Variants in LMOD3 observed in about 807,000 individuals in gnomAD.
LMOD3 encodes the protein leiomodin-3.
A neutral mutation model predicts 41.8 loss-of-function variants in LMOD3; 31 were observed. That is an observed-to-expected ratio of 0.74 (90% CI 0.56 to 1.00). The LOEUF (loss-of-function observed/expected upper bound fraction) is 1.00, where lower values mean the gene tolerates loss of function less well. Ranked by LOEUF, LMOD3 falls within the 50% of genes least tolerant of loss-of-function variation. The pLI is 0.00. For missense variants in LMOD3, 755 were observed against 679.5 expected, an observed-to-expected ratio of 1.11 and a Z score of -1.23; for synonymous variants, 292 against 241.9, an observed-to-expected ratio of 1.21 and a Z score of -1.92.
In LMOD3 at chr3:69,118,940, G is replaced by A; in HGVS notation, c.1415C>T (p.Pro472Leu). 4.3e-6 allele frequency: 7 copies of A among 1,612,740 alleles called. No homozygotes were observed. Among genetic ancestry groups the A allele is most frequent in the Non-Finnish European group, 5.9e-6 (7 of 1,179,690 alleles). The change falls in exon 2 of 3, where the codon CCA becomes CTA. Residue 472 changes from proline (P) to leucine (L), a missense_variant. Pro to Leu is a moderately conservative substitution (Grantham distance 98). Coordinates refer to ENST00000420581, the MANE Select transcript of LMOD3 (RefSeq NM_198271.5). ...TGTCCTGTACTTCGGGGCCTGCGAT[G>A]GCTTTTTCATCATTTCACTGCGTTG... ...FSQRSEMMKKPSQAPKYRTDP... is the reference protein window; with the variant it reads ...FSQRSEMMKKLSQAPKYRTDP...
chr3:69,112,150 G>A (rs1017823154), intron 2 of LMOD3, among the ~76,000 whole-genome samples: 1 of 152,160 alleles, frequency 6.6e-6, no homozygotes, highest in African/African-American at 2.4e-5. Context: ...TATTGGTAGG[G>A]AGCCTTTTTC....
chr3:69,116,721 T>G (rs2092375352), intron 2 of LMOD3, among the ~76,000 whole-genome samples: 1 of 152,200 alleles, frequency 6.6e-6, no homozygotes, highest in Non-Finnish European at 1.5e-5. Context: ...AGACTGAACC[T>G]GACTTACCAC....
At chr3:69,121,883 C>A (rs560322771) in intron 1 of LMOD3, among the ~76,000 whole-genome samples, 1 of 152,164 alleles carries the variant, frequency 6.6e-6, no homozygotes, top group Non-Finnish European at 1.5e-5. Flanking sequence ...GAGACATTTG[C>A]AAGAAATTAC....
rs1474115272 is a variant in LMOD3 at position 69,108,437 on chromosome 3, C to T, written c.*658G>A. On this transcript the variant is annotated 3_prime_UTR_variant, in exon 3 of 3. Coordinates refer to ENST00000420581, the MANE Select transcript of LMOD3 (RefSeq NM_198271.5). ...AGTGACACTTAGTTTTCACCATGTTCTGTGGCTTACGTGTTCTGCCCCTCA... is the reference window on the plus strand; with the variant it reads ...AGTGACACTTAGTTTTCACCATGTTTTGTGGCTTACGTGTTCTGCCCCTCA... 5 of 152,102 alleles carry T rather than the reference C, an allele frequency of 3.3e-5. No homozygotes were observed. The highest frequency in any genetic ancestry group is 3.3e-4 in the Admixed American group (5 of 15,260). 9.4% of individuals were successfully genotyped at this position (152,102 alleles called of 1,614,324 possible). A position where few individuals can be genotyped will look rare whatever the true frequency, so the allele number is the denominator to read the frequency against.
intron 2 of LMOD3, among the ~76,000 whole-genome samples, chr3:69,109,782 G>T (rs568454479): frequency 6.6e-6 from 1 of 152,090 alleles, no homozygotes; most frequent in African/African-American, 2.4e-5. Context: ...ACTTGCTTCG[G>T]ACTCTCAAAG....
At position 69,106,251 on chromosome 3, in the gene LMOD3, C is replaced by T. The variant is rs2092322017; in HGVS notation, c.*2844G>A. Among the ~76,000 whole-genome samples, 1 of 151,980 alleles carries T rather than the reference C, an allele frequency of 6.6e-6. No homozygotes were observed. The highest frequency in any genetic ancestry group is 2.4e-5 in the African/African-American group (1 of 41,348). The stretch of plus-strand genomic sequence containing the variant: ...TGGGATCCTATTTTTAAACCTGGCA[C>T]GAGTTTTATATACATGTTAGCCCAG... On this transcript the variant is annotated 3_prime_UTR_variant, in exon 3 of 3. Transcript: ENST00000420581.
intron 2 of LMOD3, among the ~76,000 whole-genome samples, chr3:69,113,981 G>C (rs77852449): frequency 7.9e-5 from 12 of 152,238 alleles, no homozygotes; most frequent in South Asian, 4.1e-4. Context: ...CAGTTTGTTA[G>C]ATAAGACAAA....
rs1575883926 is a variant in LMOD3 at position 69,122,342 on chromosome 3, A to G, written c.45T>C (p.Asp15=). Residue 15 remains aspartate (D), a synonymous_variant, in exon 1 of 3, where the codon GAT becomes GAC. Coordinates refer to ENST00000420581, the MANE Select transcript of LMOD3 (RefSeq NM_198271.5). Reference sequence around the variant, plus strand: ...AGATTTCATCTTCATTAATCTCCTCATCGAGAAGTTCTTCTTGATCTGAAT... The same window carrying G: ...AGATTTCATCTTCATTAATCTCCTCGTCGAGAAGTTCTTCTTGATCTGAAT... ...SRNSDQEELL[D]EEINEDEILA... is the part of the protein sequence containing the mutation. The G allele has an allele frequency of 5.0e-6, 8 of 1,612,302 alleles. No homozygotes were observed. Among genetic ancestry groups the G allele is most frequent in the Non-Finnish European group, 6.8e-6 (8 of 1,178,830 alleles).
In LMOD3 at chr3:69,118,988, T is replaced by C; in HGVS notation, c.1367A>G (p.Asn456Ser). The C allele has an allele frequency of 6.2e-7, 1 of 1,612,904 alleles. No individual in the cohort carries two copies. Among genetic ancestry groups the C allele is most frequent in the East Asian group, 2.2e-5 (1 of 44,844 alleles). ...TTGACTAAAGGGGACATTTTGGGGG[T>C]TGGGAGGCCGAGGTGGCGGTGGCTG... ...FFQPPPPRPP[N>S]PQNVPFSQRS... is the part of the protein sequence containing the mutation. The change falls in exon 2 of 3, where the codon AAC becomes AGC. Residue 456 changes from asparagine to serine, a missense_variant. By Grantham distance (46) the Asn-to-Ser change is conservative. Coordinates refer to ENST00000420581, the MANE Select transcript of LMOD3 (RefSeq NM_198271.5).
chr3:69,116,035 C>T (rs140031705), intron 2 of LMOD3, among the ~76,000 whole-genome samples: 2 of 152,120 alleles, frequency 1.3e-5, no homozygotes, highest in African/African-American at 4.8e-5. Context: ...GACGGGTATG[C>T]AAGAATTCTT....
rs1334054330 is a variant in LMOD3 at position 69,109,055 on chromosome 3, TATTTCC to T, written c.*34_*39del. 4 of 1,557,160 alleles carry T rather than the reference TATTTCC, an allele frequency of 2.6e-6. No individual in the cohort carries two copies. Among genetic ancestry groups the T allele is most frequent in the Non-Finnish European group, 3.5e-6 (4 of 1,142,286 alleles). On this transcript the variant is annotated 3_prime_UTR_variant, in exon 3 of 3. Coordinates refer to ENST00000420581, the MANE Select transcript of LMOD3 (RefSeq NM_198271.5). ...CTCCATGCTGTAATCCAAGAGTCAC[TATTTCC>T]ATTTCTTGTTCTTCTAGATGGCTCT...
chr3:69,113,719 G>A (rs1242443143), intron 2 of LMOD3, among the ~76,000 whole-genome samples: 1 of 152,190 alleles, frequency 6.6e-6, no homozygotes, highest in Non-Finnish European at 1.5e-5. Flanking sequence ...ACAGAAGCTT[G>A]GATATGATAC....
chr3:69,118,588 G>T lies in LMOD3; in HGVS notation c.1656+111C>A, dbSNP rs766605098. ...TGGTAATGCTCATTGGCTTCCCCCA[G>T]TTGGTCTCAATTAGTGAGTATCCCC... On this transcript the variant is annotated intron_variant, in intron 2 of 2. Coordinates refer to ENST00000420581, the MANE Select transcript of LMOD3 (RefSeq NM_198271.5). 4.8e-6 allele frequency: 6 copies of T among 1,240,328 alleles called. No individual in the cohort carries two copies. In the African/African-American group the frequency reaches 7.6e-5, roughly 16 times the overall value. The allele number at this position is 1,240,328 out of a possible 1,614,324, so 76.8% of individuals were successfully genotyped here.
rs1412229266 is a variant in LMOD3, at chr3:69,107,522, G to A, written c.*1573C>T. On this transcript the variant is annotated 3_prime_UTR_variant, in exon 3 of 3. Transcript: ENST00000420581. ...GATGGAGTATCACTCTGTCACCCAG[G>A]CTGGAGTACAGTGACGTGATCTTGT... 2 of 121,802 alleles carry A rather than the reference G, an allele frequency of 1.6e-5. No individual in the cohort carries two copies. The highest frequency in any genetic ancestry group is 3.2e-5 in the Non-Finnish European group (2 of 62,348). The allele number at this position is 121,802 out of a possible 1,614,324, so 7.5% of individuals were successfully genotyped here. A position where few individuals can be genotyped will look rare whatever the true frequency, so the allele number is the denominator to read the frequency against.
chr3:69,115,903 T>C (rs1192791763), intron 2 of LMOD3, among the ~76,000 whole-genome samples: 3 of 152,216 alleles, frequency 2.0e-5, no homozygotes, highest in Admixed American at 1.3e-4. Context: ...GAACACATCA[T>C]AGCTACTCAT....
At chr3:69,118,563 T>C (rs2092388110) in intron 2 of LMOD3, 136 bp downstream of exon 2, 1 of 939,586 alleles carries the variant, frequency 1.1e-6, no homozygotes, top group East Asian at 2.6e-5. Flanking sequence ...TTAGTTCTAT[T>C]GGTAATGCTC....
rs1338908310 is a variant in LMOD3, at chr3:69,106,518, T to G, written c.*2577A>C. 6.6e-6 allele frequency among the ~76,000 whole-genome samples: 1 copy of G among 152,164 alleles called. No individual in the cohort carries two copies. Among genetic ancestry groups the G allele is most frequent in the Non-Finnish European group, 1.5e-5 (1 of 68,042 alleles). ...GGGTTGGGTGGTAGAAAAAGCATAATGTGAACTGCTTCACCTCTTTTGGCA... is the reference window on the plus strand; with the variant it reads ...GGGTTGGGTGGTAGAAAAAGCATAAGGTGAACTGCTTCACCTCTTTTGGCA... On this transcript the variant is annotated 3_prime_UTR_variant, in exon 3 of 3. Coordinates refer to ENST00000420581, the MANE Select transcript of LMOD3 (RefSeq NM_198271.5).
Position 69,122,135 on chromosome 3 carries a change from C to T in LMOD3, c.252G>A (p.Met84Ile), listed in dbSNP as rs78574883. 1.6e-3 allele frequency: 2,576 copies of T among 1,612,738 alleles called. 31 individuals carry two copies. The African/African-American group carries it at 0.031, about 19-fold the overall frequency. ...YMYWEKASRR[M>I]LEEERVPVTF... ...TGACAGGAACTCGTTCCTCTTCCAG[C>T]ATGCGCCTGGATGCCTTTTCCCAAT... is the stretch of plus-strand genomic sequence containing the variant. Residue 84 changes from methionine (M) to isoleucine (I), a missense_variant, in exon 1 of 3, where the codon ATG (methionine) becomes ATA (isoleucine). By Grantham distance (10) the Met-to-Ile change is conservative. Transcript: ENST00000420581.
Position 69,119,338 on chromosome 3 carries a change from C to T in LMOD3, c.1017G>A (p.Thr339=), listed in dbSNP as rs766552225. The T allele has an allele frequency of 1.4e-5, 23 of 1,613,842 alleles. No homozygotes were observed. The highest frequency in any genetic ancestry group is 5.5e-5 in the South Asian group (5 of 91,086). ...GATTGTGAAACCGAAGCTCAGTTAG[C>T]GTCTCATTAAACTGGAGACACCTCA... is the stretch of plus-strand genomic sequence containing the variant. ...AIMRCLQFNE[T]LTELRFHNQR... The change falls in exon 2 of 3, where the codon ACG becomes ACA. Residue 339 remains threonine (T), a synonymous_variant. Coordinates refer to ENST00000420581, the MANE Select transcript of LMOD3 (RefSeq NM_198271.5).
Sources: gnomAD v4.1 joint callset for allele counts (sites outside exome capture counted in the v4.1 genomes callset) on GRCh38, gnomAD v4.1.1 for gene constraint, MANE v1.5 for transcripts, NCBI Gene and HGNC (gene_info 2026-07-23, HGNC 2026-07-21) for gene names.